The following CSMD1 variants were observed in gnomAD, a reference collection of about 807,000 sequenced individuals.
The protein encoded by CSMD1 is CUB and sushi domain-containing protein 1.
In CSMD1, 213 loss-of-function variants were observed where a neutral mutation model predicts 417.5. The observed-to-expected ratio is 0.51, with a 90% CI of 0.46 to 0.57. The LOEUF (loss-of-function observed/expected upper bound fraction) is 0.57, where lower values mean the gene tolerates loss of function less well. Among genes scored for constraint, CSMD1 ranks in the 20% least tolerant of loss-of-function variants. The pLI is 0.00. For synonymous variants in CSMD1, 2,862 were observed against 1,736.8 expected, an observed-to-expected ratio of 1.65 and a Z score of -16.11; for missense variants, 6,923 against 4,529.7, an observed-to-expected ratio of 1.53 and a Z score of -15.17.
intron 26 of CSMD1, among the ~76,000 whole-genome samples, chr8:3,275,248 A>G (rs1009060405): frequency 5.3e-5 from 8 of 152,184 alleles, no homozygotes; most frequent in Admixed American, 4.6e-4. Flanking sequence ...AGAATGTTGA[A>G]TATTGGCCAC....
chr8:3,769,039 G>A (rs772965563), intron 5 of CSMD1, among the ~76,000 whole-genome samples: 1 of 152,352 alleles, frequency 6.6e-6, no homozygotes, highest in African/African-American at 2.4e-5. Flanking sequence ...TTTTGGACAG[G>A]CAGGTGTGTT....
At chr8:3,843,988 T>C (rs1025222588) in intron 5 of CSMD1, among the ~76,000 whole-genome samples, 1 of 152,158 alleles carries the variant, frequency 6.6e-6, no homozygotes, top group Non-Finnish European at 1.5e-5. Flanking sequence ...AACGGCCAAA[T>C]GTCTAGCATC....
intron 1 of CSMD1, among the ~76,000 whole-genome samples, chr8:4,697,660 G>T (rs1462608095): frequency 6.6e-6 from 1 of 152,086 alleles, no homozygotes; most frequent in East Asian, 1.9e-4. Flanking sequence ...TTAGTTGCTG[G>T]TTACACGATT....
chr8:4,980,030 C>G (rs1390222028), intron 1 of CSMD1, among the ~76,000 whole-genome samples: 1 of 152,014 alleles, frequency 6.6e-6, no homozygotes, highest in Admixed American at 6.6e-5. Context: ...GAGTGAGACT[C>G]CATCCCAAAA....
chr8:3,938,872 C>T (rs960882258), intron 5 of CSMD1, among the ~76,000 whole-genome samples: 18 of 152,124 alleles, frequency 1.2e-4, no homozygotes, highest in African/African-American at 3.9e-4. Flanking sequence ...GCAAGTGAAT[C>T]ATTAAGTGTG....
intron 7 of CSMD1, among the ~76,000 whole-genome samples, chr8:3,619,889 G>A (rs781574843): frequency 2.0e-5 from 3 of 152,214 alleles, no homozygotes; most frequent in East Asian, 1.9e-4. Context: ...ATCACTTGAC[G>A]TCAGGAATTC....
At chr8:3,460,442 G>C (rs549234131) in intron 12 of CSMD1, among the ~76,000 whole-genome samples, 1 of 152,256 alleles carries the variant, frequency 6.6e-6, no homozygotes, top group East Asian at 1.9e-4. Flanking sequence ...ATTTGAAACA[G>C]TGTAGGAACA....
intron 23 of CSMD1, among the ~76,000 whole-genome samples, chr8:3,334,946 A>G (rs1308598557): frequency 1.3e-5 from 2 of 152,218 alleles, no homozygotes; most frequent in Admixed American, 6.5e-5. Flanking sequence ...CTCCTAGTCC[A>G]ACGAGCCTTC....
chr8:3,119,718 G>C (rs1337648869), intron 41 of CSMD1, among the ~76,000 whole-genome samples: 3 of 152,140 alleles, frequency 2.0e-5, no homozygotes, highest in Non-Finnish European at 2.9e-5. Flanking sequence ...GAATATTTAG[G>C]CACACCTTTG....
rs566246843 is a variant in CSMD1, at chr8:3,572,356, C to A, written c.1344+2589G>T. On this transcript the variant is annotated intron_variant, in intron 10 of 69. Transcript: ENST00000635120. The stretch of plus-strand genomic sequence containing the variant: ...TGAGGCTCTGCCACTGTGAAGCGGG[C>A]TAAGAGCAGGGAGGTGGGCAGGAGA... 8.9e-4 allele frequency among the ~76,000 whole-genome samples: 135 copies of A among 152,208 alleles called. 1 individual carries two copies. Among genetic ancestry groups the A allele is most frequent in the African/African-American group, 2.9e-3 (122 of 41,544 alleles).
intron 39 of CSMD1, among the ~76,000 whole-genome samples, chr8:3,154,688 G>A (rs772170922): frequency 2.6e-5 from 4 of 152,132 alleles, no homozygotes; most frequent in East Asian, 1.9e-4. Flanking sequence ...AGAAAACTGC[G>A]AGACCATTCT....
intron 1 of CSMD1, among the ~76,000 whole-genome samples, chr8:4,659,978 T>C (rs1168190527): frequency 6.6e-6 from 1 of 151,926 alleles, no homozygotes; most frequent in Non-Finnish European, 1.5e-5. Context: ...TTCCTCAAAT[T>C]GGTAAGGAGT....
chr8:4,650,048 GT>G (rs1563066403), intron 1 of CSMD1, among the ~76,000 whole-genome samples: 1 of 152,140 alleles, frequency 6.6e-6, no homozygotes, highest in African/African-American at 2.4e-5. Context: ...ACAGCTTTAC[GT>G]GTGAATATGT....
chr8:4,218,355 T>C (rs1409979130), intron 3 of CSMD1, among the ~76,000 whole-genome samples: 2 of 152,214 alleles, frequency 1.3e-5, no homozygotes, highest in Non-Finnish European at 2.9e-5. Context: ...GTTGATTTTG[T>C]TTGGTCATTT....
rs546409667 is a variant in CSMD1, at chr8:3,366,122, C to A, written c.3115+910G>T. Among the ~76,000 whole-genome samples, 12 of 152,238 alleles carry A rather than the reference C, an allele frequency of 7.9e-5. No individual in the cohort carries two copies. In the East Asian group the frequency reaches 2.1e-3, roughly 27 times the overall value. ...TTATGAAAATTACATTTGATCTGGGCTATGAGGAATAAGGAAGGAAAACCC... is the reference window on the plus strand; with the variant it reads ...TTATGAAAATTACATTTGATCTGGGATATGAGGAATAAGGAAGGAAAACCC... On this transcript the variant is annotated intron_variant, in intron 20 of 69. Transcript: ENST00000635120.
At chr8:3,122,698 G>T (rs1817276414) in intron 41 of CSMD1, among the ~76,000 whole-genome samples, 1 of 152,042 alleles carries the variant, frequency 6.6e-6, no homozygotes, top group Admixed American at 6.6e-5. Context: ...ATTTTCTCTT[G>T]CTGCCGCCAT....
chr8:3,273,256 C>T (rs191029919), intron 26 of CSMD1, among the ~76,000 whole-genome samples: 2 of 151,966 alleles, frequency 1.3e-5, no homozygotes, highest in East Asian at 3.9e-4. Flanking sequence ...GTATATTGAA[C>T]TAGCCTTGCA....
intron 1 of CSMD1, among the ~76,000 whole-genome samples, chr8:4,664,426 A>C (rs189518064): frequency 3.2e-4 from 49 of 152,172 alleles, no homozygotes; most frequent in Admixed American, 2.0e-3. Flanking sequence ...TGTTCCTGGT[A>C]GTTCCCGCCT....
intron 1 of CSMD1, among the ~76,000 whole-genome samples, chr8:4,820,186 G>C (rs568538784): frequency 2.6e-5 from 4 of 152,076 alleles, no homozygotes; most frequent in African/African-American, 9.7e-5. Context: ...CATTTAGGCA[G>C]CATCCTCTCT....
Sources: gnomAD v4.1 joint callset for allele counts (sites outside exome capture counted in the v4.1 genomes callset) on GRCh38, gnomAD v4.1.1 for gene constraint, MANE v1.5 for transcripts, NCBI Gene and HGNC (gene_info 2026-07-23, HGNC 2026-07-21) for gene names.